Variants in ADAMTSL3 observed in about 807,000 individuals in gnomAD.
ADAMTSL3 encodes ADAMTS-like protein 3.
ADAMTSL3 carries 128 observed loss-of-function variants against 201.7 expected under a neutral mutation model. That is an observed-to-expected ratio of 0.63 (90% CI 0.55 to 0.73). The LOEUF is 0.73. Among genes scored for constraint, ADAMTSL3 ranks in the 30% least tolerant of loss-of-function variants. The pLI is 0.00. For missense variants in ADAMTSL3, 1,990 were observed against 2,119.6 expected, an observed-to-expected ratio of 0.94 and a Z score of 1.20; for synonymous variants, 738 against 748.4, an observed-to-expected ratio of 0.99 and a Z score of 0.23.
At chr15:83,771,178 T>A (rs1044140061) in intron 3 of ADAMTSL3, among the ~76,000 whole-genome samples, 23 of 151,744 alleles carry the variant, frequency 1.5e-4, no homozygotes, top group Non-Finnish European at 7.4e-5. Context: ...TTTTTTTTTT[T>A]TTTTTTATTT....
At chr15:83,951,767 C>A (rs2066763538) in intron 19 of ADAMTSL3, among the ~76,000 whole-genome samples, 1 of 152,056 alleles carries the variant, frequency 6.6e-6, no homozygotes, top group African/African-American at 2.4e-5. Flanking sequence ...GGAATTTAGC[C>A]ATTTCTTCTA....
intron 4 of ADAMTSL3, among the ~76,000 whole-genome samples, chr15:83,780,464 A>C (rs1398760248): frequency 6.6e-6 from 1 of 152,040 alleles, no homozygotes; most frequent in African/African-American, 2.4e-5. Context: ...AATATACATC[A>C]AAATAATAAG....
intron 2 of ADAMTSL3, among the ~76,000 whole-genome samples, chr15:83,664,315 G>C (rs1384094631): frequency 6.6e-6 from 1 of 151,466 alleles, no homozygotes. Flanking sequence ...AGTGGAAGAG[G>C]CTCAGCACCT....
chr15:83,751,802 A>G (rs1312622191), intron 3 of ADAMTSL3, among the ~76,000 whole-genome samples: 1 of 152,130 alleles, frequency 6.6e-6, no homozygotes, highest in African/African-American at 2.4e-5. Context: ...AGGTGTGAAA[A>G]AATTTCCCAC....
In ADAMTSL3 at chr15:84,016,368, T is replaced by A; in HGVS notation, c.4157-15T>A. 6.3e-7 allele frequency: 1 copy of A among 1,599,234 alleles called. No individual in the cohort carries two copies. The highest frequency in any genetic ancestry group is 8.6e-7 in the Non-Finnish European group (1 of 1,168,440). ...ATGTCTAACTGGTAAAAGTGCTACTTTTTTTTTTCCTCAGAACGAAGATGG... is the reference window on the plus strand; with the variant it reads ...ATGTCTAACTGGTAAAAGTGCTACTATTTTTTTTCCTCAGAACGAAGATGG... On this transcript the variant is annotated splice_polypyrimidine_tract_variant and intron_variant, in intron 24 of 29. Transcript: ENST00000286744.
chr15:83,941,242 ACTT>A (rs1482056759), intron 17 of ADAMTSL3, among the ~76,000 whole-genome samples: 2 of 151,910 alleles, frequency 1.3e-5, no homozygotes, highest in Non-Finnish European at 2.9e-5. Flanking sequence ...ATTAAATACT[ACTT>A]TTCATTTTAT....
chr15:83,859,020 T>A (rs1408101626), intron 8 of ADAMTSL3, among the ~76,000 whole-genome samples, 180 bp downstream of exon 8: 1 of 152,144 alleles, frequency 6.6e-6, no homozygotes, highest in African/African-American at 2.4e-5. Context: ...ACACTGACAT[T>A]AGGATTTGCA....
chr15:83,715,202 G>A (rs1031342023), intron 3 of ADAMTSL3, among the ~76,000 whole-genome samples: 1 of 152,280 alleles, frequency 6.6e-6, no homozygotes, highest in East Asian at 1.9e-4. Context: ...AATTTCTGCT[G>A]AGCCTCATGT....
chr15:83,959,981 C>G (rs1347881693), intron 19 of ADAMTSL3, among the ~76,000 whole-genome samples: 1 of 152,092 alleles, frequency 6.6e-6, no homozygotes, highest in Non-Finnish European at 1.5e-5. Context: ...TATTTAACCA[C>G]TTTTATATGA....
In ADAMTSL3 at chr15:83,773,449, G is replaced by A. The variant is rs1021499128; in HGVS notation, c.190-74G>A. 3.3e-6 allele frequency: 5 copies of A among 1,503,036 alleles called. No homozygotes were observed. The African/African-American group carries it at 4.2e-5, about 13-fold the overall frequency. The allele number at this position is 1,503,036 out of a possible 1,614,324, so 93.1% of individuals were successfully genotyped here. A position where few individuals can be genotyped will look rare whatever the true frequency, so the allele number is the denominator to read the frequency against. ...ACTCTGGAATAACTGGGGAAGATTTGGGATATTTCTACCACATTTGCCTAT... is the reference window on the plus strand; with the variant it reads ...ACTCTGGAATAACTGGGGAAGATTTAGGATATTTCTACCACATTTGCCTAT... On this transcript the variant is annotated intron_variant, in intron 3 of 29. Coordinates refer to ENST00000286744, the MANE Select transcript of ADAMTSL3 (RefSeq NM_207517.3).
chr15:83,789,460 A>C (rs892260148), intron 4 of ADAMTSL3, among the ~76,000 whole-genome samples: 1 of 151,936 alleles, frequency 6.6e-6, no homozygotes, highest in African/African-American at 2.4e-5. Flanking sequence ...ACTGTATTTA[A>C]GGTTAGAGGT....
chr15:83,657,334 G>A (rs1394569084), intron 2 of ADAMTSL3, among the ~76,000 whole-genome samples: 2 of 152,148 alleles, frequency 1.3e-5, no homozygotes, highest in Admixed American at 1.3e-4. Flanking sequence ...GACCTCTTTT[G>A]GATTTTTCCA....
At chr15:83,697,816 C>A (rs989618175) in intron 2 of ADAMTSL3, among the ~76,000 whole-genome samples, 1 of 152,162 alleles carries the variant, frequency 6.6e-6, no homozygotes, top group African/African-American at 2.4e-5. Flanking sequence ...ATCAGCTCAA[C>A]TTTCAGCACC....
intron 2 of ADAMTSL3, among the ~76,000 whole-genome samples, chr15:83,702,506 C>A (rs185597580): frequency 6.6e-6 from 1 of 152,176 alleles, no homozygotes; most frequent in Non-Finnish European, 1.5e-5. Flanking sequence ...GGCCCTGGGT[C>A]CCTTGGCTGT....
chr15:83,763,070 G>T (rs773494742), intron 3 of ADAMTSL3, among the ~76,000 whole-genome samples: 1 of 152,062 alleles, frequency 6.6e-6, no homozygotes, highest in Non-Finnish European at 1.5e-5. Flanking sequence ...TATTTTTTTA[G>T]TAGAGACGGG....
intron 2 of ADAMTSL3, among the ~76,000 whole-genome samples, chr15:83,693,430 G>C (rs572933509): frequency 6.6e-6 from 1 of 152,278 alleles, no homozygotes; most frequent in African/African-American, 2.4e-5. Flanking sequence ...AGAGTACTTG[G>C]ACCAAGGAGG....
intron 6 of ADAMTSL3, among the ~76,000 whole-genome samples, chr15:83,829,100 G>T (rs1036774787): frequency 8.5e-5 from 13 of 152,218 alleles, no homozygotes; most frequent in Non-Finnish European, 1.8e-4. Flanking sequence ...CAGAAGGAAT[G>T]GTACCAGCTC....
rs1299463335 is a variant in ADAMTSL3 at position 83,991,146 on chromosome 15, C to G, written c.3905C>G (p.Ser1302Cys). The G allele has an allele frequency of 6.2e-7, 1 of 1,614,090 alleles. No homozygotes were observed. The highest frequency in any genetic ancestry group is 8.5e-7 in the Non-Finnish European group (1 of 1,180,030). Residue 1302 changes from serine to cysteine, a missense_variant, in exon 23 of 30, where the codon TCT (serine) becomes TGT (cysteine). Ser to Cys is a moderately radical substitution (Grantham distance 112, BLOSUM62 -1). Coordinates refer to ENST00000286744, the MANE Select transcript of ADAMTSL3 (RefSeq NM_207517.3). Reference protein sequence around the residue: ...NITKPEHNHLSVVVGGIVEAA... With the variant: ...NITKPEHNHLCVVVGGIVEAA... ...ACCAAACCAGAGCACAACCATCTGT[C>G]TGTTGTGGTTGGAGGCATCGTGGAG...
chr15:83,948,688 G>T (rs987062435), intron 19 of ADAMTSL3, among the ~76,000 whole-genome samples: 4 of 152,050 alleles, frequency 2.6e-5, no homozygotes, highest in African/African-American at 4.8e-5. Flanking sequence ...TTGATCGAAG[G>T]TTGTTGATCT....
Sources: gnomAD v4.1 joint callset for allele counts (sites outside exome capture counted in the v4.1 genomes callset) on GRCh38, gnomAD v4.1.1 for gene constraint, MANE v1.5 for transcripts, NCBI Gene and HGNC (gene_info 2026-07-23, HGNC 2026-07-21) for gene names.